The following CYP2E1 variants were observed in gnomAD, a reference collection of about 807,000 sequenced individuals.
CYP2E1 encodes cytochrome P450 2E1.
Under a neutral mutation model 42.9 loss-of-function variants are expected in CYP2E1, and 31 were observed. The ratio of observed to expected loss-of-function variants is 0.72; its 90% CI spans 0.54 to 0.98. The LOEUF (loss-of-function observed/expected upper bound fraction) is 0.98, where lower values mean the gene tolerates loss of function less well. Among genes scored for constraint, CYP2E1 ranks in the 50% least tolerant of loss-of-function variants. CYP2E1 has a pLI of 0.00. For synonymous variants in CYP2E1, 244 were observed against 248.9 expected (o/e 0.98, Z 0.19); for missense variants, 565 against 633.2 (o/e 0.89, Z 1.16).
chr10:133,538,294 A>G (rs556843596), intron 8 of CYP2E1, among the ~76,000 whole-genome samples: 11 of 152,168 alleles, frequency 7.2e-5, no homozygotes, highest in Non-Finnish European at 1.2e-4. Flanking sequence ...CACAGGAAGC[A>G]TCAAAGCCTT....
At chr10:133,535,608 G>A (rs1471721043) in intron 6 of CYP2E1, among the ~76,000 whole-genome samples, 1 of 152,168 alleles carries the variant, frequency 6.6e-6, no homozygotes, top group Non-Finnish European at 1.5e-5. Context: ...ATCAAAAAAT[G>A]TTTTAAATTA....
At chr10:133,529,737 G>T (rs990300159) in intron 2 of CYP2E1, among the ~76,000 whole-genome samples, 1 of 152,186 alleles carries the variant, frequency 6.6e-6, no homozygotes, top group African/African-American at 2.4e-5. Context: ...TGGCGGGCGG[G>T]GGTCGCCGGC....
chr10:133,537,951 C>A, intron 8 of CYP2E1, 59 bp downstream of exon 8: 3 of 1,547,376 alleles, frequency 1.9e-6, no homozygotes, highest in South Asian at 2.4e-5. Flanking sequence ...CCTCATCTCC[C>A]CTCCACATGT....
chr10:133,529,073 C>T (rs1262203903), intron 2 of CYP2E1, among the ~76,000 whole-genome samples: 1 of 152,220 alleles, frequency 6.6e-6, no homozygotes, highest in Admixed American at 6.5e-5. Flanking sequence ...GGGCTTTGCT[C>T]AGCTGCAGCT....
In CYP2E1 at chr10:133,531,643, C is replaced by T. The variant is rs760207696; in HGVS notation, c.396C>T (p.Thr132=). 3 of 1,613,992 alleles carry T rather than the reference C, an allele frequency of 1.9e-6. No homozygotes were observed. Among genetic ancestry groups the T allele is most frequent in the East Asian group, 4.5e-5 (2 of 44,870 alleles). ...WKDIRRFSLT[T]LRNYGMGKQG... ...ACATCCGGCGGTTTTCCCTGACCAC[C>T]CTCCGGAACTATGGGATGGGGAAAC... Residue 132 remains threonine (T), a synonymous_variant, in exon 3 of 9, where the codon ACC becomes ACT. Transcript: ENST00000252945.
At position 133,538,985 on chromosome 10, in the gene CYP2E1, A is replaced by AC. The variant is rs754774326; in HGVS notation, c.*27dup. 16 of 1,544,256 alleles carry AC rather than the reference A, an allele frequency of 1.0e-5. No homozygotes were observed. The African/African-American group carries it at 2.1e-4, about 20-fold the overall frequency. On this transcript the variant is annotated 3_prime_UTR_variant, in exon 9 of 9. Transcript: ENST00000252945. ...CATGAGTGTGTGGAGGACACCCTGAACCCCCCGCTTTCAAACAAGTTTTCA... is the reference window on the plus strand; with the variant it reads ...CATGAGTGTGTGGAGGACACCCTGAACCCCCCCGCTTTCAAACAAGTTTTCA...
Position 133,533,495 on chromosome 10 carries a change from G to GA in CYP2E1, c.826-260dup, listed in dbSNP as rs375988207. Among the ~76,000 whole-genome samples, 61 of 152,294 alleles carry GA rather than the reference G, an allele frequency of 4.0e-4. 1 individual carries two copies. Among genetic ancestry groups the GA allele is most frequent in the African/African-American group, 1.3e-3 (52 of 41,562 alleles). On this transcript the variant is annotated intron_variant, in intron 5 of 8. Transcript: ENST00000252945. The stretch of plus-strand genomic sequence containing the variant: ...CCTGAGCTATGACCAAGGTCAGGGG[G>GA]ATCTCACCTCTCCCAGGATGGCCCT...
At position 133,532,772 on chromosome 10, in the gene CYP2E1, A is replaced by G; in HGVS notation, c.729A>G (p.Lys243=). ...RKVIKNVAEV[K]EYVSERVKEH... is the part of the protein sequence containing the mutation. ...TCATAAAAAATGTGGCTGAAGTAAA[A>G]GAGTATGTGTCTGAAAGGGTGAAGG... The change falls in exon 5 of 9, where the codon AAA becomes AAG. Residue 243 remains lysine, a synonymous_variant. Coordinates refer to ENST00000252945, the MANE Select transcript of CYP2E1 (RefSeq NM_000773.4). 6.2e-7 allele frequency: 1 copy of G among 1,613,638 alleles called. No individual in the cohort carries two copies. The highest frequency in any genetic ancestry group is 1.7e-4 in the Middle Eastern group (1 of 6,050).
chr10:133,528,294 C>T, intron 1 of CYP2E1, 187 bp from the exon 2 acceptor site: 1 of 635,524 alleles, frequency 1.6e-6, no homozygotes, highest in South Asian at 2.1e-5. Context: ...CCCCGAGCGC[C>T]CTGCAGACGC....
chr10:133,530,830 G>T (rs1279869563), intron 2 of CYP2E1, among the ~76,000 whole-genome samples: 6 of 152,188 alleles, frequency 3.9e-5, no homozygotes, highest in Non-Finnish European at 8.8e-5. Flanking sequence ...TCATTTCAAG[G>T]TTCCTATCTG....
At chr10:133,535,003 A>G (rs558505916) in intron 6 of CYP2E1, among the ~76,000 whole-genome samples, 1 of 151,830 alleles carries the variant, frequency 6.6e-6, no homozygotes, top group Non-Finnish European at 1.5e-5. Flanking sequence ...TAACTGGGCC[A>G]CAGGTGCACA....
intron 5 of CYP2E1, 48 bp downstream of exon 5, chr10:133,532,916 A>G: frequency 6.6e-7 from 1 of 1,523,242 alleles, no homozygotes; most frequent in Non-Finnish European, 8.8e-7. Flanking sequence ...TGGGCAGAGA[A>G]TGCACAATTT....
intron 6 of CYP2E1, among the ~76,000 whole-genome samples, chr10:133,536,153 G>GA (rs775667258): frequency 2.6e-5 from 4 of 152,122 alleles, no homozygotes; most frequent in Non-Finnish European, 5.9e-5. Context: ...TACCCTCCCA[G>GA]AAGAAATTTC....
At chr10:133,528,239 T>G in intron 1 of CYP2E1, 3 of 419,928 alleles carry the variant, frequency 7.1e-6, no homozygotes, top group Non-Finnish European at 8.6e-6. Context: ...TGCCGCGGAG[T>G]TGTCCGCGGA....
At chr10:133,532,892 T>G (rs1183144944) in intron 5 of CYP2E1, 24 bp downstream of exon 5, 1 of 1,581,244 alleles carries the variant, frequency 6.3e-7, no homozygotes. Flanking sequence ...TCCCATGATG[T>G]GGGCTCTCCG....
chr10:133,536,926 G>A (rs955138284), intron 6 of CYP2E1, 137 bp from the exon 7 acceptor site: 6 of 680,386 alleles, frequency 8.8e-6, no homozygotes, highest in Admixed American at 5.0e-5. Context: ...ATGGAGGGGT[G>A]TATAGATGGA....
intron 6 of CYP2E1, among the ~76,000 whole-genome samples, chr10:133,535,149 C>T (rs960805182): frequency 3.3e-5 from 5 of 152,052 alleles, no homozygotes; most frequent in Non-Finnish European, 5.9e-5. Context: ...TCCTGGCCAA[C>T]ATGATGAAAC....
chr10:133,531,157 G>T (rs1851330527), intron 2 of CYP2E1, among the ~76,000 whole-genome samples: 2 of 152,184 alleles, frequency 1.3e-5, no homozygotes, highest in African/African-American at 4.8e-5. Flanking sequence ...TGGTGTGAGG[G>T]TTAAAAATCT....
intron 8 of CYP2E1, 55 bp from the exon 9 acceptor site, chr10:133,538,725 G>C: frequency 6.6e-7 from 1 of 1,504,674 alleles, no homozygotes; most frequent in Non-Finnish European, 9.2e-7. Context: ...ACTGTTAACA[G>C]TGTCGTGTCT....
Sources: allele counts gnomAD v4.1 joint callset (sites outside exome capture counted in the v4.1 genomes callset), GRCh38; gene constraint gnomAD v4.1.1; transcripts MANE v1.5; gene names NCBI Gene and HGNC (gene_info 2026-07-23, HGNC 2026-07-21).